The following TMEM19 variants were observed in gnomAD, a reference collection of about 807,000 sequenced individuals.
The protein encoded by TMEM19 is transmembrane protein 19.
A neutral mutation model predicts 33.6 loss-of-function variants in TMEM19; 21 were observed. The ratio of observed to expected loss-of-function variants is 0.62; its 90% CI spans 0.44 to 0.90. The LOEUF (loss-of-function observed/expected upper bound fraction) is 0.90. TMEM19 is among the 40% of genes least tolerant of loss of function. The pLI is 0.00. For synonymous variants in TMEM19, 149 were observed against 147.5 expected, an observed-to-expected ratio of 1.01 and a Z score of -0.07; for missense variants, 402 against 401.8, an observed-to-expected ratio of 1.00 and a Z score of 0.00.
intron 2 of TMEM19, among the ~76,000 whole-genome samples, chr12:71,693,556 G>T (rs961675802): frequency 6.6e-6 from 1 of 152,148 alleles, no homozygotes; most frequent in African/African-American, 2.4e-5. Context: ...ATCATGAAGT[G>T]TTATCCATGT....
intron 2 of TMEM19, among the ~76,000 whole-genome samples, chr12:71,694,442 C>T (rs1049454517): frequency 6.6e-6 from 1 of 152,068 alleles, no homozygotes; most frequent in African/African-American, 2.4e-5. Flanking sequence ...TGTCATGTAC[C>T]CAGAGTTGAT....
chr12:71,686,214 A>G lies in TMEM19; in HGVS notation c.-467A>G, dbSNP rs1391015215. On this transcript the variant is annotated 5_prime_UTR_variant, in exon 1 of 6. Coordinates refer to ENST00000266673, the MANE Select transcript of TMEM19 (RefSeq NM_018279.4). ...CAGCTGTCGGGACGTGACTGCGTTC[A>G]GCCGCGTCGGGCGTGCTTCCCAGAC... is the stretch of plus-strand genomic sequence containing the variant. 5 of 195,888 alleles carry G rather than the reference A, an allele frequency of 2.6e-5. No individual in the cohort carries two copies. The highest frequency in any genetic ancestry group is 1.2e-4 in the African/African-American group (5 of 41,656). The allele number at this position is 195,888 out of a possible 1,614,324, so 12.1% of individuals were successfully genotyped here.
chr12:71,689,494 A>T, intron 1 of TMEM19, 97 bp from the exon 2 acceptor site: 1 of 850,848 alleles, frequency 1.2e-6, no homozygotes, highest in Non-Finnish European at 2.0e-6. Context: ...TGTACTTATG[A>T]CAGTATTTTA....
At chr12:71,689,475 C>A in intron 1 of TMEM19, 116 bp from the exon 2 acceptor site, 1 of 766,874 alleles carries the variant, frequency 1.3e-6, no homozygotes, top group Non-Finnish European at 2.3e-6. Context: ...GTGACTTCAT[C>A]TTGGTGTTTG....
chr12:71,687,129 T>C (rs1881705120), intron 1 of TMEM19, among the ~76,000 whole-genome samples: 1 of 152,146 alleles, frequency 6.6e-6, no homozygotes, highest in South Asian at 2.1e-4. Context: ...TCTCCCAAAG[T>C]GCTGGCAATA....
At chr12:71,700,793 T>C in intron 5 of TMEM19, 39 bp from the exon 6 acceptor site, 2 of 1,496,834 alleles carry the variant, frequency 1.3e-6, no homozygotes, top group Non-Finnish European at 1.8e-6. Flanking sequence ...ATGAAGTCAT[T>C]TGGGTTTTCT....
At chr12:71,700,010 A>T (rs1012848954) in intron 5 of TMEM19, among the ~76,000 whole-genome samples, 3 of 152,172 alleles carry the variant, frequency 2.0e-5, no homozygotes, top group African/African-American at 7.2e-5. Flanking sequence ...CCTTTGATTG[A>T]CATCAGGAAG....
At position 71,686,783 on chromosome 12, in the gene TMEM19, A is replaced by G. The variant is rs778975423; in HGVS notation, c.103A>G (p.Ile35Val). 63 of 1,612,394 alleles carry G rather than the reference A, an allele frequency of 3.9e-5. No individual in the cohort carries two copies. The highest frequency in any genetic ancestry group is 1.7e-4 in the Middle Eastern group (1 of 6,060). The stretch of plus-strand genomic sequence containing the variant: ...TTGCATTTCGTTAGCTTTCTGGATT[A>G]TATCAATGACTGCAAGCACCTATTA... ...IICISLAFWI[I>V]SMTASTYYGN... Residue 35 changes from isoleucine (I) to valine (V), a missense_variant, in exon 1 of 6, where the codon ATA becomes GTA. Coordinates refer to ENST00000266673, the MANE Select transcript of TMEM19 (RefSeq NM_018279.4).
At position 71,696,504 on chromosome 12, in the gene TMEM19, T is replaced by A. The variant is rs143199994; in HGVS notation, c.313T>A (p.Leu105Met). The A allele has an allele frequency of 1.0e-3, 1,635 of 1,613,076 alleles. 10 individuals are homozygous for A. The African/African-American group carries it at 0.018, about 18-fold the overall frequency. ...TTTTACCTCTTTGCTGATGTTTTTC[T>A]TGTCTTCTTCGAAACTCACTAAATG... is the stretch of plus-strand genomic sequence containing the variant. The part of the protein sequence containing the change: ...SFFTSLLMFF[L>M]SSSKLTKWKG... The change falls in exon 3 of 6, where the codon TTG becomes ATG. Residue 105 changes from leucine to methionine, a missense_variant. Transcript: ENST00000266673.
chr12:71,695,402 CAG>C (rs1467004159), intron 2 of TMEM19, among the ~76,000 whole-genome samples: 4 of 152,060 alleles, frequency 2.6e-5, no homozygotes, highest in African/African-American at 9.7e-5. Flanking sequence ...AAATTGTTAA[CAG>C]TGAATATTCA....
chr12:71,690,823 T>A (rs1330520590), intron 2 of TMEM19, among the ~76,000 whole-genome samples: 1 of 152,170 alleles, frequency 6.6e-6, no homozygotes, highest in East Asian at 1.9e-4. Context: ...TTTTAGAGGC[T>A]TATTTGAGAG....
At chr12:71,698,149 T>C (rs1474778402) in intron 4 of TMEM19, among the ~76,000 whole-genome samples, 2 of 152,204 alleles carry the variant, frequency 1.3e-5, no homozygotes, top group African/African-American at 4.8e-5. Flanking sequence ...CAACCTATAC[T>C]GCTTCTTTTT....
At position 71,704,287 on chromosome 12, in the gene TMEM19, A is replaced by G. The variant is rs1314681591; in HGVS notation, c.*3292A>G. The G allele has an allele frequency of 5.9e-6, 1 of 170,538 alleles. No individual in the cohort carries two copies. The highest frequency in any genetic ancestry group is 2.4e-5 in the African/African-American group (1 of 42,032). The allele number at this position is 170,538 out of a possible 1,614,324, so 10.6% of individuals were successfully genotyped here. On this transcript the variant is annotated 3_prime_UTR_variant, in exon 6 of 6. Coordinates refer to ENST00000266673, the MANE Select transcript of TMEM19 (RefSeq NM_018279.4). ...TCTTTCCTGTTTCTAGCTGCTGTAC[A>G]CATAGGATGCTGCCTGCAGAAATAG...
chr12:71,697,634 T>C (rs1189123305), intron 4 of TMEM19, 100 bp downstream of exon 4: 1 of 1,415,494 alleles, frequency 7.1e-7, no homozygotes, highest in East Asian at 2.7e-5. Context: ...TGTAATGTAT[T>C]TTAGAGCCTT....
chr12:71,686,899 C>A (rs1040629357), intron 1 of TMEM19, 89 bp downstream of exon 1: 39 of 1,328,112 alleles, frequency 2.9e-5, no homozygotes, highest in Non-Finnish European at 3.6e-5. Flanking sequence ...CTCATATCCT[C>A]TGAATGGTTA....
chr12:71,693,759 G>A, intron 2 of TMEM19, among the ~76,000 whole-genome samples: 1 of 152,128 alleles, frequency 6.6e-6, no homozygotes. Context: ...TGAATCATGG[G>A]ACAGGTCTTT....
chr12:71,691,605 C>CAAAAAAAAAAAAAAAAAAAAAAA (rs57138830), intron 2 of TMEM19, among the ~76,000 whole-genome samples: 1 of 49,490 alleles, frequency 2.0e-5, no homozygotes, highest in African/African-American at 5.0e-5. Flanking sequence ...TTCACCTCTA[C>CAAAAAAAAAAAAAAAAAAAAAAA]AAAAAAAAAA....
At chr12:71,694,433 G>T (rs1881836844) in intron 2 of TMEM19, among the ~76,000 whole-genome samples, 1 of 152,212 alleles carries the variant, frequency 6.6e-6, no homozygotes, top group Admixed American at 6.5e-5. Flanking sequence ...GCCTCACTCT[G>T]TCATGTACCC....
At chr12:71,698,836 T>C in intron 4 of TMEM19, 64 bp from the exon 5 acceptor site, 1 of 1,442,618 alleles carries the variant, frequency 6.9e-7, no homozygotes, top group Non-Finnish European at 9.7e-7. Context: ...GGTACCTTGC[T>C]GTCCTTGCCT....
Sources: allele counts gnomAD v4.1 joint callset (sites outside exome capture counted in the v4.1 genomes callset), GRCh38; gene constraint gnomAD v4.1.1; transcripts MANE v1.5; gene names NCBI Gene and HGNC (gene_info 2026-07-23, HGNC 2026-07-21).